PRKG1: variants seen among roughly 807,000 people sequenced by gnomAD.
The protein encoded by PRKG1 is protein kinase cGMP-dependent 1.
PRKG1 carries 35 observed loss-of-function variants against 88.1 expected under a neutral mutation model. That is an observed-to-expected ratio of 0.40 (90% CI 0.30 to 0.53). The LOEUF (loss-of-function observed/expected upper bound fraction) is 0.53, where lower values mean the gene tolerates loss of function less well. Ranked by LOEUF, PRKG1 falls within the 20% of genes least tolerant of loss-of-function variation. PRKG1 has a pLI of 0.59. For missense variants in PRKG1, 540 were observed against 839.8 expected, an observed-to-expected ratio of 0.64 and a Z score of 4.41; for synonymous variants, 303 against 292.5, an observed-to-expected ratio of 1.04 and a Z score of -0.37.
chr10:51,957,837 T>C (rs1843351149), intron 5 of PRKG1, among the ~76,000 whole-genome samples: 1 of 152,188 alleles, frequency 6.6e-6, no homozygotes, highest in African/African-American at 2.4e-5. Context: ...GGACATATAG[T>C]TGTTGTTACA....
intron 1 of PRKG1, among the ~76,000 whole-genome samples, chr10:51,110,625 T>C (rs1190817076): frequency 6.6e-6 from 1 of 152,138 alleles, no homozygotes; most frequent in Non-Finnish European, 1.5e-5. Context: ...GATGTTTTCA[T>C]TAGTATAAAC....
chr10:51,265,837 G>A (rs1241679350), intron 2 of PRKG1, among the ~76,000 whole-genome samples: 1 of 152,156 alleles, frequency 6.6e-6, no homozygotes, highest in African/African-American at 2.4e-5. Flanking sequence ...CCTGGAGATA[G>A]GGAGGAAAGG....
intron 2 of PRKG1, chr10:51,299,676 A>C (rs376226688): frequency 2.2e-6 from 1 of 450,146 alleles, no homozygotes; most frequent in Admixed American, 2.7e-5. Context: ...CAGGTTACCT[A>C]TGTTACAGGC....
intron 3 of PRKG1, among the ~76,000 whole-genome samples, chr10:51,598,494 G>C (rs538940395): frequency 6.6e-6 from 1 of 152,332 alleles, no homozygotes; most frequent in African/African-American, 2.4e-5. Flanking sequence ...GGCTGGTCAA[G>C]TGATCCATCT....
chr10:51,105,659 C>A (rs1365161498), intron 1 of PRKG1, among the ~76,000 whole-genome samples: 1 of 152,094 alleles, frequency 6.6e-6, no homozygotes, highest in African/African-American at 2.4e-5. Flanking sequence ...TATCCTAAAC[C>A]TGGAGAGTGG....
intron 8 of PRKG1, among the ~76,000 whole-genome samples, chr10:52,143,579 G>A (rs1697241009): frequency 1.3e-5 from 2 of 152,160 alleles, no homozygotes; most frequent in Admixed American, 1.3e-4. Flanking sequence ...GCACTGTAGG[G>A]TGCAGGAAAG....
At chr10:51,144,500 A>ATT (rs1845894019) in intron 1 of PRKG1, among the ~76,000 whole-genome samples, 1 of 152,124 alleles carries the variant, frequency 6.6e-6, no homozygotes, top group Non-Finnish European at 1.5e-5. Flanking sequence ...TAGTGGTAAT[A>ATT]ATAAATATTA....
chr10:51,657,097 G>A (rs1384619527), intron 3 of PRKG1, among the ~76,000 whole-genome samples: 5 of 152,132 alleles, frequency 3.3e-5, no homozygotes, highest in African/African-American at 9.7e-5. Context: ...CTGGGCACAT[G>A]TTTATTAGGT....
intron 3 of PRKG1, among the ~76,000 whole-genome samples, chr10:51,793,520 A>T (rs995567400): frequency 2.6e-5 from 4 of 152,178 alleles, no homozygotes; most frequent in African/African-American, 9.6e-5. Context: ...AAAGAAAAAT[A>T]TAAGTATCCA....
In PRKG1 at chr10:51,337,764, G is replaced by C. The variant is rs79630277; in HGVS notation, c.479-129959G>C. Among the ~76,000 whole-genome samples, 1,255 of 152,298 alleles carry C rather than the reference G, an allele frequency of 8.2e-3. 17 individuals carry two copies. The highest frequency in any genetic ancestry group is 0.029 in the African/African-American group (1,201 of 41,568). Reference sequence around the variant, plus strand: ...GTCAAGAAACAACAGATGCTGGTGAGGTTGCGGAGAAATAGGAATGCTTTT... The same window carrying C: ...GTCAAGAAACAACAGATGCTGGTGACGTTGCGGAGAAATAGGAATGCTTTT... On this transcript the variant is annotated intron_variant, in intron 2 of 17. Transcript: ENST00000373980.
At chr10:51,181,537 G>A (rs1270178502) in intron 2 of PRKG1, among the ~76,000 whole-genome samples, 1 of 152,034 alleles carries the variant, frequency 6.6e-6, no homozygotes. Context: ...CACCGCGCCC[G>A]GCCTAGAATT....
At chr10:51,729,690 G>A (rs1477642775) in intron 3 of PRKG1, among the ~76,000 whole-genome samples, 2 of 103,512 alleles carry the variant, frequency 1.9e-5, no homozygotes, top group African/African-American at 7.9e-5. Context: ...CTGGGCAACA[G>A]AGTGAGACTC....
chr10:52,186,874 T>C (rs752207642), intron 9 of PRKG1, among the ~76,000 whole-genome samples: 7 of 152,200 alleles, frequency 4.6e-5, no homozygotes, highest in Non-Finnish European at 1.0e-4. Flanking sequence ...CTCGACTTAC[T>C]ATAATTTTAT....
chr10:51,600,772 C>T (rs1188915104), intron 3 of PRKG1, among the ~76,000 whole-genome samples: 1 of 152,104 alleles, frequency 6.6e-6, no homozygotes, highest in African/African-American at 2.4e-5. Context: ...CTAGTGGCTA[C>T]CATATTAGAC....
chr10:52,267,685 G>A (rs893808942), intron 10 of PRKG1, among the ~76,000 whole-genome samples: 3 of 151,634 alleles, frequency 2.0e-5, no homozygotes, highest in Admixed American at 6.6e-5. Context: ...ACTAACATAC[G>A]AACACACTGT....
In PRKG1 at chr10:52,171,065, G is replaced by A. The variant is rs183946397; in HGVS notation, c.1076+9102G>A. ...AGGAAGTTTCTAAATGCACACTTGA[G>A]TACACAGGGGTTGCTGTTTTGAACA... On this transcript the variant is annotated intron_variant, in intron 9 of 17. Transcript: ENST00000373980. Among the ~76,000 whole-genome samples, 36 of 149,714 alleles carry A rather than the reference G, an allele frequency of 2.4e-4. No homozygotes were observed. In the East Asian group the frequency reaches 6.5e-3, roughly 27 times the overall value.
At chr10:52,248,111 C>T (rs1175379479) in intron 9 of PRKG1, among the ~76,000 whole-genome samples, 2 of 152,220 alleles carry the variant, frequency 1.3e-5, no homozygotes, top group Non-Finnish European at 2.9e-5. Context: ...TTGTTTGTGG[C>T]TTAAGAATGC....
chr10:51,337,458 A>G (rs1167881884), intron 2 of PRKG1, among the ~76,000 whole-genome samples: 1 of 152,188 alleles, frequency 6.6e-6, no homozygotes, highest in African/African-American at 2.4e-5. Context: ...AGAAATTATC[A>G]TCATTATGAA....
chr10:51,259,425 A>G (rs1222662173), intron 2 of PRKG1, among the ~76,000 whole-genome samples: 1 of 151,986 alleles, frequency 6.6e-6, no homozygotes, highest in Non-Finnish European at 1.5e-5. Flanking sequence ...GTCTTATTTC[A>G]TTTCACCTCT....
Sources: allele counts gnomAD v4.1 joint callset (sites outside exome capture counted in the v4.1 genomes callset), GRCh38; gene constraint gnomAD v4.1.1; transcripts MANE v1.5; gene names NCBI Gene and HGNC (gene_info 2026-07-23, HGNC 2026-07-21).